HSD17B2: variants seen among roughly 807,000 people sequenced by gnomAD.
HSD17B2 encodes the protein 17-beta-hydroxysteroid dehydrogenase type 2.
HSD17B2 carries 32 observed loss-of-function variants against 26.9 expected under a neutral mutation model. The ratio of observed to expected loss-of-function variants is 1.19; its 90% confidence interval spans 0.90 to 1.60. HSD17B2 has a LOEUF of 1.60. Ranked by LOEUF, HSD17B2 falls within the 40% of genes most tolerant of loss-of-function variation. HSD17B2 has a pLI of 0.00. For synonymous variants in HSD17B2, 246 were observed against 186.7 expected (o/e 1.32, Z -2.59); for missense variants, 613 against 468.6 (o/e 1.31, Z -2.85).
intron 1 of HSD17B2, among the ~76,000 whole-genome samples, chr16:82,047,209 G>C (rs1433657316): frequency 6.6e-6 from 1 of 152,202 alleles, no homozygotes; most frequent in African/African-American, 2.4e-5. Flanking sequence ...CATGAAGCTT[G>C]TCACTGTTTT....
chr16:82,036,905 T>C (rs1459288279), intron 1 of HSD17B2, among the ~76,000 whole-genome samples: 1 of 152,200 alleles, frequency 6.6e-6, no homozygotes, highest in Non-Finnish European at 1.5e-5. Context: ...TCAATTTTCC[T>C]GTTCTGTGTC....
intron 1 of HSD17B2, among the ~76,000 whole-genome samples, chr16:82,045,912 C>A (rs537131442): frequency 6.6e-6 from 1 of 152,348 alleles, no homozygotes; most frequent in Non-Finnish European, 1.5e-5. Flanking sequence ...CCTGAGCTGT[C>A]TTTTTGGTTC....
At chr16:82,054,058 C>T (rs7196087) in intron 1 of HSD17B2, among the ~76,000 whole-genome samples, 10,506 of 152,118 alleles carry the variant, frequency 0.069, 1,042 homozygotes, top group African/African-American at 0.21. Context: ...AACAGCATGT[C>T]TACAAATTCC....
chr16:82,038,886 A>G (rs992524863), intron 1 of HSD17B2, among the ~76,000 whole-genome samples: 9 of 151,956 alleles, frequency 5.9e-5, no homozygotes, highest in African/African-American at 9.7e-5. Flanking sequence ...AGCTGTGCCA[A>G]TTGGAGACTA....
intron 1 of HSD17B2, among the ~76,000 whole-genome samples, chr16:82,040,218 ATTACTGAACAG>A (rs146911275): frequency 0.072 from 11,004 of 152,214 alleles, 556 homozygotes; most frequent in Non-Finnish European, 0.11. Flanking sequence ...CCTTCTTGCA[ATTACTGAACAG>A]TCCAAATAAG....
intron 1 of HSD17B2, among the ~76,000 whole-genome samples, chr16:82,055,464 A>G (rs541674815): frequency 2.3e-4 from 35 of 152,330 alleles, no homozygotes; most frequent in African/African-American, 8.2e-4. Flanking sequence ...ATGATGTAGA[A>G]GAGTACATGG....
intron 1 of HSD17B2, among the ~76,000 whole-genome samples, chr16:82,045,130 AAAAAAAAAAAAAAGAGAG>A (rs1308579845): frequency 4.6e-5 from 7 of 150,758 alleles, no homozygotes; most frequent in Admixed American, 3.9e-4. Flanking sequence ...CCAAAAAAAA[AAAAAAAAAAAAAAGAGAG>A]AAAAAAGAAA....
chr16:82,041,566 T>A (rs1913766646), intron 1 of HSD17B2, among the ~76,000 whole-genome samples: 1 of 152,242 alleles, frequency 6.6e-6, no homozygotes, highest in Non-Finnish European at 1.5e-5. Context: ...ACCAGTCTGC[T>A]GAAACTGCTC....
At chr16:82,037,413 G>A (rs1311759860) in intron 1 of HSD17B2, among the ~76,000 whole-genome samples, 1 of 152,116 alleles carries the variant, frequency 6.6e-6, no homozygotes, top group African/African-American at 2.4e-5. Context: ...AAGAAGCCAC[G>A]CTGAGTTTGG....
intron 3 of HSD17B2, among the ~76,000 whole-genome samples, chr16:82,083,732 G>A (rs1052890193): frequency 3.3e-5 from 5 of 152,050 alleles, no homozygotes; most frequent in African/African-American, 9.7e-5. Flanking sequence ...CCTCTGCCCC[G>A]TCACTTACTA....
chr16:82,063,261 TTAAAA>T (rs1914491429), intron 1 of HSD17B2: 1 of 152,168 alleles, frequency 6.6e-6, no homozygotes, highest in Non-Finnish European at 1.5e-5. Flanking sequence ...CATCTGAAAA[TTAAAA>T]TAAAGACACA....
chr16:82,070,993 G>C lies in HSD17B2; in HGVS notation c.530G>C (p.Gly177Ala), dbSNP rs777077245. 3.7e-6 allele frequency: 6 copies of C among 1,614,120 alleles called. No homozygotes were observed. Among genetic ancestry groups the C allele is most frequent in the South Asian group, 1.1e-5 (1 of 91,088 alleles). The part of the protein sequence containing the change: ...NAGVLGFPTD[G>A]ELLLMTDYKQ... ...GGGGTGCTTGGCTTTCCAACTGATG[G>C]GGAGCTTCTTCTTATGACTGACTAC... is the stretch of plus-strand genomic sequence containing the variant. Residue 177 changes from glycine (G) to alanine (A), a missense_variant, in exon 3 of 5, where the codon GGG (glycine) becomes GCG (alanine). Transcript: ENST00000199936.
intron 1 of HSD17B2, among the ~76,000 whole-genome samples, chr16:82,055,775 G>A (rs544250132): frequency 6.6e-5 from 10 of 152,282 alleles, no homozygotes; most frequent in African/African-American, 1.9e-4. Context: ...GGATTCAACC[G>A]GAAAACCATG....
In HSD17B2 at chr16:82,098,385, G is replaced by T. The variant is rs747168772; in HGVS notation, c.1113G>T (p.Lys371Asn). 7 of 1,613,996 alleles carry T rather than the reference G, an allele frequency of 4.3e-6. No homozygotes were observed. Among genetic ancestry groups the T allele is most frequent in the African/African-American group, 1.3e-5 (1 of 75,030 alleles). Reference protein sequence around the residue: ...YFAKRHFGQDKPMPRALRMPN... With the variant: ...YFAKRHFGQDNPMPRALRMPN... ...CTAAAAGACATTTTGGCCAAGACAA[G>T]CCCATGCCCAGAGCTCTAAGAATGC... Residue 371 changes from lysine (K) to asparagine (N), a missense_variant, in exon 5 of 5, where the codon AAG becomes AAT. Physicochemically the swap from Lys to Asn is moderately conservative, Grantham distance 94. Coordinates refer to ENST00000199936, the MANE Select transcript of HSD17B2 (RefSeq NM_002153.3).
chr16:82,068,200 G>T lies in HSD17B2; in HGVS notation c.296G>T (p.Cys99Phe). ...GATTGCGGGCTTGGCCATGCTTTGT[G>T]CAAGTATCTGGATGAGCTGGGCTTC... ...GGDCGLGHALCKYLDELGFTV... is the reference protein window; with the variant it reads ...GGDCGLGHALFKYLDELGFTV... Residue 99 changes from cysteine (C) to phenylalanine (F), a missense_variant, in exon 2 of 5, where the codon TGC (cysteine) becomes TTC (phenylalanine). By Grantham distance (205) the Cys-to-Phe change is radical. Coordinates refer to ENST00000199936, the MANE Select transcript of HSD17B2 (RefSeq NM_002153.3). 6.2e-7 allele frequency: 1 copy of T among 1,614,154 alleles called. No individual in the cohort carries two copies. The highest frequency in any genetic ancestry group is 8.5e-7 in the Non-Finnish European group (1 of 1,180,034).
intron 1 of HSD17B2, among the ~76,000 whole-genome samples, chr16:82,049,316 T>G (rs1376984125): frequency 6.6e-6 from 1 of 152,174 alleles, no homozygotes; most frequent in East Asian, 1.9e-4. Context: ...GGACAGCCCC[T>G]ACCACAAAAA....
chr16:82,068,777 T>C (rs143547070), intron 2 of HSD17B2, among the ~76,000 whole-genome samples: 46 of 152,322 alleles, frequency 3.0e-4, no homozygotes, highest in African/African-American at 7.9e-4. Flanking sequence ...CTTTCCTTCA[T>C]GGCTACGCTC....
At chr16:82,065,050 A>G (rs952517229) in intron 1 of HSD17B2, among the ~76,000 whole-genome samples, 1 of 152,214 alleles carries the variant, frequency 6.6e-6, no homozygotes, top group Non-Finnish European at 1.5e-5. Context: ...ACACAGGACA[A>G]TTATAACCTT....
intron 3 of HSD17B2, among the ~76,000 whole-genome samples, chr16:82,087,752 G>A (rs1904568993): frequency 6.6e-6 from 1 of 152,124 alleles, no homozygotes; most frequent in Admixed American, 6.5e-5. Flanking sequence ...AGGCTGGAAA[G>A]TCCAAGATCA....
Sources: gnomAD v4.1 joint callset for allele counts (sites outside exome capture counted in the v4.1 genomes callset) on GRCh38, gnomAD v4.1.1 for gene constraint, MANE v1.5 for transcripts, NCBI Gene and HGNC (gene_info 2026-07-23, HGNC 2026-07-21) for gene names.